ZFAND1: variants seen among roughly 807,000 people sequenced by gnomAD.
ZFAND1 encodes AN1-type zinc finger protein 1.
ZFAND1 carries 40 observed loss-of-function variants against 38.5 expected under a neutral mutation model. The observed-to-expected ratio is 1.04, with a 90% CI of 0.81 to 1.35. The LOEUF (loss-of-function observed/expected upper bound fraction) is 1.35. ZFAND1 is among the 40% of genes most tolerant of loss of function. The pLI is 0.00. For synonymous variants in ZFAND1, 117 were observed against 103.6 expected (o/e 1.13, Z -0.78); for missense variants, 346 against 316.3 (o/e 1.09, Z -0.71).
At chr8:81,709,983 C>T (rs1437496986) in intron 6 of ZFAND1, among the ~76,000 whole-genome samples, 2 of 152,166 alleles carry the variant, frequency 1.3e-5, no homozygotes, top group African/African-American at 4.8e-5. Context: ...AGAAGAATTG[C>T]AAAGTAATGT....
At chr8:81,708,901 CA>C (rs1474720858) in intron 6 of ZFAND1, 2 of 658,670 alleles carry the variant, frequency 3.0e-6, no homozygotes, top group Non-Finnish European at 4.3e-6. Flanking sequence ...ACTAGAGCCA[CA>C]AAACTATACT....
At chr8:81,704,391 A>G (rs2130385625) in intron 6 of ZFAND1, among the ~76,000 whole-genome samples, 1 of 152,188 alleles carries the variant, frequency 6.6e-6, no homozygotes. Flanking sequence ...ACAAAAAATT[A>G]GCTGGGTATA....
intron 2 of ZFAND1, 50 bp downstream of exon 2, chr8:81,718,132 T>C: frequency 7.1e-7 from 1 of 1,416,558 alleles, no homozygotes; most frequent in Non-Finnish European, 9.7e-7. Flanking sequence ...TAACCTCATA[T>C]TAATAAACAC....
At chr8:81,705,664 TA>T (rs1399955181) in intron 6 of ZFAND1, among the ~76,000 whole-genome samples, 1 of 152,208 alleles carries the variant, frequency 6.6e-6, no homozygotes, top group African/African-American at 2.4e-5. Flanking sequence ...CTCACACCTG[TA>T]ATCCCAGCAC....
intron 1 of ZFAND1, among the ~76,000 whole-genome samples, chr8:81,718,866 A>G (rs1490805263): frequency 6.6e-6 from 1 of 151,706 alleles, no homozygotes; most frequent in East Asian, 1.9e-4. Context: ...GTGTGTTTCT[A>G]TATATGTATG....
chr8:81,715,597 A>T (rs1808284006), intron 3 of ZFAND1, among the ~76,000 whole-genome samples: 1 of 152,048 alleles, frequency 6.6e-6, no homozygotes, highest in South Asian at 2.1e-4. Context: ...GCCCTATTTC[A>T]TATTTTTATT....
At chr8:81,718,747 C>T (rs1283316663) in intron 1 of ZFAND1, among the ~76,000 whole-genome samples, 1 of 149,544 alleles carries the variant, frequency 6.7e-6, no homozygotes, top group East Asian at 1.9e-4. Flanking sequence ...CAAAGCTTGA[C>T]TATATTCAAA....
intron 6 of ZFAND1, among the ~76,000 whole-genome samples, chr8:81,709,641 G>A (rs1808079655): frequency 6.6e-6 from 1 of 152,024 alleles, no homozygotes. Flanking sequence ...ATACATGTAT[G>A]TATAAACACA....
chr8:81,704,855 C>T (rs1371607791), intron 6 of ZFAND1, among the ~76,000 whole-genome samples: 1 of 152,084 alleles, frequency 6.6e-6, no homozygotes, highest in Non-Finnish European at 1.5e-5. Flanking sequence ...GAAATTCAAA[C>T]TGTGAGCCAC....
chr8:81,718,293 A>G (rs1459704171), intron 1 of ZFAND1, 69 bp from the exon 2 acceptor site: 45 of 1,322,596 alleles, frequency 3.4e-5, no homozygotes, highest in African/African-American at 4.5e-5. Context: ...AAGCAAGAAG[A>G]CAACCTCTAT....
Position 81,701,730 on chromosome 8 carries a change from C to T in ZFAND1, c.*965G>A, listed in dbSNP as rs1807817676. The stretch of plus-strand genomic sequence containing the variant: ...AAAGGAAATAAACCAAATGAGCATT[C>T]CAAATTTATTCCTTTTAAGTAAACC... On this transcript the variant is annotated 3_prime_UTR_variant, in exon 8 of 8. Transcript: ENST00000220669. 1 of 152,110 alleles carries T rather than the reference C, an allele frequency of 6.6e-6. No individual in the cohort carries two copies. Among genetic ancestry groups the T allele is most frequent in the African/African-American group, 2.4e-5 (1 of 41,418 alleles). The allele number at this position is 152,110 out of a possible 1,614,324, so 9.4% of individuals were successfully genotyped here.
In ZFAND1 at chr8:81,713,935, C is replaced by T. The variant is rs754752869; in HGVS notation, c.463G>A (p.Asp155Asn). Residue 155 changes from aspartate to asparagine, a missense_variant, in exon 6 of 8, where the codon GAT (aspartate) becomes AAT (asparagine). Physicochemically the swap from Asp to Asn is conservative, Grantham distance 23. Coordinates refer to ENST00000220669, the MANE Select transcript of ZFAND1 (RefSeq NM_024699.3). ...AGACCAACCTGTGGTAATGACTTAT[C>T]GCCATCAGCATGCATCTTTAATTTC... is the stretch of plus-strand genomic sequence containing the variant. ...LMKLKMHADGDKSLPQTERIY... is the reference protein window; with the variant it reads ...LMKLKMHADGNKSLPQTERIY... 46 of 1,612,636 alleles carry T rather than the reference C, an allele frequency of 2.9e-5. 1 individual carries two copies. The Middle Eastern group carries it at 9.9e-4, about 35-fold the overall frequency.
chr8:81,717,636 T>C (rs1403738677), intron 2 of ZFAND1, among the ~76,000 whole-genome samples: 2 of 152,170 alleles, frequency 1.3e-5, no homozygotes, highest in Non-Finnish European at 2.9e-5. Context: ...TTTAAAAATA[T>C]ACATTACTTT....
At chr8:81,702,940 A>G in intron 7 of ZFAND1, 29 bp downstream of exon 7, 1 of 1,493,568 alleles carries the variant, frequency 6.7e-7, no homozygotes, top group Non-Finnish European at 8.9e-7. Flanking sequence ...CTTTATTAAT[A>G]TAGAAATATT....
chr8:81,705,685 C>T (rs886927343), intron 6 of ZFAND1, among the ~76,000 whole-genome samples: 1 of 152,214 alleles, frequency 6.6e-6, no homozygotes, highest in East Asian at 1.9e-4. Flanking sequence ...CTTGGGGAGG[C>T]TGAGGTGGGC....
Position 81,708,916 on chromosome 8 carries a change from T to C in ZFAND1, c.480+5002A>G, listed in dbSNP as rs186716918. The C allele has an allele frequency of 3.8e-4, 167 of 438,936 alleles. 1 individual carries two copies. The highest frequency in any genetic ancestry group is 3.5e-3 in the African/African-American group (159 of 45,898). The allele number at this position is 438,936 out of a possible 1,614,324, so 27.2% of individuals were successfully genotyped here. A position where few individuals can be genotyped will look rare whatever the true frequency, so the allele number is the denominator to read the frequency against. On this transcript the variant is annotated intron_variant, in intron 6 of 7. Transcript: ENST00000220669. ...ACTAGAGCCACAAAACTATACTTAGTATAGGCAATCCGTCAATGAAATTTG... is the reference window on the plus strand; with the variant it reads ...ACTAGAGCCACAAAACTATACTTAGCATAGGCAATCCGTCAATGAAATTTG...
chr8:81,720,987 C>T (rs1808454642), intron 1 of ZFAND1: 2 of 544,908 alleles, frequency 3.7e-6, no homozygotes, highest in Admixed American at 6.7e-5. Context: ...TCCTCAGGCC[C>T]TGCCTCAGGA....
chr8:81,712,854 T>A (rs966927551), intron 6 of ZFAND1, among the ~76,000 whole-genome samples: 1 of 152,076 alleles, frequency 6.6e-6, no homozygotes, highest in Non-Finnish European at 1.5e-5. Context: ...GGCAAAGTGA[T>A]CCTAAAATTT....
At chr8:81,707,570 A>G (rs1808018532) in intron 6 of ZFAND1, among the ~76,000 whole-genome samples, 2 of 152,230 alleles carry the variant, frequency 1.3e-5, no homozygotes, top group African/African-American at 4.8e-5. Flanking sequence ...ATTTTTTAAA[A>G]TCTGAATATA....
Sources: gnomAD v4.1 joint callset for allele counts (sites outside exome capture counted in the v4.1 genomes callset) on GRCh38, gnomAD v4.1.1 for gene constraint, MANE v1.5 for transcripts, NCBI Gene and HGNC (gene_info 2026-07-23, HGNC 2026-07-21) for gene names.